CSNK1G3: variants seen among roughly 807,000 people sequenced by gnomAD.
CSNK1G3 encodes the protein casein kinase 1 gamma 3, also known as casein kinase I isoform gamma-3.
Under a neutral mutation model 64.3 loss-of-function variants are expected in CSNK1G3, and 23 were observed. The observed-to-expected ratio is 0.36, with a 90% CI of 0.26 to 0.51. CSNK1G3 has a LOEUF of 0.51. Ranked by LOEUF, CSNK1G3 falls within the 20% of genes least tolerant of loss-of-function variation. CSNK1G3 has a pLI of 0.96. For synonymous variants in CSNK1G3, 158 were observed against 162.2 expected (o/e 0.97, Z 0.20); for missense variants, 357 against 510.5 (o/e 0.70, Z 2.90).
At chr5:123,593,358 C>CTATT (rs1331441144) in intron 10 of CSNK1G3, among the ~76,000 whole-genome samples, 25 of 152,132 alleles carry the variant, frequency 1.6e-4, no homozygotes, top group African/African-American at 5.8e-4. Flanking sequence ...CTCTAGACCA[C>CTATT]TAAGCAGCTT....
At chr5:123,593,226 CACAT>C (rs1412328932) in intron 10 of CSNK1G3, among the ~76,000 whole-genome samples, 2 of 151,318 alleles carry the variant, frequency 1.3e-5, no homozygotes, top group African/African-American at 4.9e-5. Context: ...CACACACACA[CACAT>C]ATATATAATA....
intron 10 of CSNK1G3, among the ~76,000 whole-genome samples, chr5:123,593,772 T>C (rs184401420): frequency 1.8e-4 from 27 of 152,190 alleles, no homozygotes; most frequent in African/African-American, 6.3e-4. Flanking sequence ...GTATGTAATT[T>C]TGCATTGTAC....
intron 4 of CSNK1G3, 123 bp downstream of exon 4, chr5:123,557,687 G>T: frequency 1.6e-6 from 1 of 619,670 alleles, no homozygotes; most frequent in Non-Finnish European, 2.7e-6. Flanking sequence ...TTTACTATAC[G>T]TTTTCTTACT....
At chr5:123,585,550 G>A (rs1791169814) in intron 6 of CSNK1G3, among the ~76,000 whole-genome samples, 1 of 152,112 alleles carries the variant, frequency 6.6e-6, no homozygotes, top group East Asian at 1.9e-4. Context: ...TTCTTGAAGG[G>A]AAAAGGTATT....
chr5:123,607,514 A>G lies in CSNK1G3; in HGVS notation c.1217+2152A>G, dbSNP rs139168367. On this transcript the variant is annotated intron_variant, in intron 12 of 12. Coordinates refer to ENST00000345990, the Ensembl canonical transcript of CSNK1G3. ...AGCCAAACACAAAAGGCCACATGTTATGTGATTCCATTTAAATGAAATGTC... is the reference window on the plus strand; with the variant it reads ...AGCCAAACACAAAAGGCCACATGTTGTGTGATTCCATTTAAATGAAATGTC... Among the ~76,000 whole-genome samples, 587 of 152,312 alleles carry G rather than the reference A, an allele frequency of 3.9e-3. 6 individuals are homozygous for G. Among genetic ancestry groups the G allele is most frequent in the African/African-American group, 0.014 (563 of 41,574 alleles).
chr5:123,532,180 T>G (rs934398963), intron 1 of CSNK1G3, among the ~76,000 whole-genome samples: 59 of 152,068 alleles, frequency 3.9e-4, no homozygotes, highest in African/African-American at 1.4e-3. Context: ...CTATTTCTAA[T>G]CATATTTTTG....
intron 4 of CSNK1G3, among the ~76,000 whole-genome samples, chr5:123,557,957 T>A (rs559862065): frequency 4.6e-5 from 7 of 152,258 alleles, no homozygotes; most frequent in African/African-American, 2.4e-5. Context: ...TGACAAAGAC[T>A]TTGCAAGTAT....
At chr5:123,616,546 C>T (rs925259013) in exon 13 of CSNK1G3, 24 of 152,484 alleles carry the variant, frequency 1.6e-4, no homozygotes, top group African/African-American at 5.3e-4. Context: ...TTTAAGTGCT[C>T]CATTTTAATG....
intron 1 of CSNK1G3, among the ~76,000 whole-genome samples, chr5:123,520,458 C>T (rs1221912075): frequency 6.6e-6 from 1 of 150,604 alleles, no homozygotes; most frequent in Non-Finnish European, 1.5e-5. Context: ...ATTATTTCTA[C>T]CATCAGAAAA....
At chr5:123,602,322 T>C (rs774382639) in intron 10 of CSNK1G3, among the ~76,000 whole-genome samples, 1 of 152,212 alleles carries the variant, frequency 6.6e-6, no homozygotes, top group African/African-American at 2.4e-5. Flanking sequence ...ATTAATACTT[T>C]CCTTGGAGTT....
intron 1 of CSNK1G3, among the ~76,000 whole-genome samples, chr5:123,527,010 C>T (rs937655914): frequency 6.6e-6 from 1 of 151,986 alleles, no homozygotes; most frequent in African/African-American, 2.4e-5. Flanking sequence ...CATTTTTATT[C>T]CCACTGGCAA....
chr5:123,609,908 T>TG (rs1033474241), intron 12 of CSNK1G3, among the ~76,000 whole-genome samples: 12 of 48,226 alleles, frequency 2.5e-4, no homozygotes, highest in Admixed American at 1.4e-3. Context: ...GAAAAGGGCA[T>TG]GGCATATTTA....
intron 1 of CSNK1G3, among the ~76,000 whole-genome samples, chr5:123,520,635 A>T (rs1777937405): frequency 6.6e-6 from 1 of 152,046 alleles, no homozygotes; most frequent in Non-Finnish European, 1.5e-5. Context: ...TTAAAATTGG[A>T]TGTATTAAAA....
Position 123,565,600 on chromosome 5 carries a change from T to A in CSNK1G3, c.290-7793T>A, listed in dbSNP as rs559651497. 2.0e-5 allele frequency among the ~76,000 whole-genome samples: 3 copies of A among 152,318 alleles called. No homozygotes were observed. The South Asian group carries it at 6.2e-4, about 32-fold the overall frequency. ...TTATTTGTGTTAGGCTGTTCTTGTG[T>A]TGCTATAAAGAAATGCTGGAGTCTG... On this transcript the variant is annotated intron_variant, in intron 4 of 12. Coordinates refer to ENST00000345990, the Ensembl canonical transcript of CSNK1G3.
In CSNK1G3 at chr5:123,557,571, T is replaced by A. The variant is rs368370204; in HGVS notation, c.289+7T>A. On this transcript the variant is annotated splice_region_variant and intron_variant, in intron 4 of 12. Transcript: ENST00000345990. The stretch of plus-strand genomic sequence containing the variant: ...AAGCAGTTAGGATCTGGAGGTAAAG[T>A]CTTATATTAATTTTTAAATTTGAAA... The A allele has an allele frequency of 9.7e-6, 15 of 1,545,498 alleles. No homozygotes were observed. In the African/African-American group the frequency reaches 1.8e-4, roughly 19 times the overall value.
chr5:123,588,441 G>T, exon 8 of CSNK1G3: 1 of 1,611,516 alleles, frequency 6.2e-7, no homozygotes, highest in Non-Finnish European at 8.5e-7. Flanking sequence ...ACACATTAAA[G>T]GAGAGGTATC....
chr5:123,555,365 G>A (rs1249080393), intron 3 of CSNK1G3, among the ~76,000 whole-genome samples: 4 of 152,012 alleles, frequency 2.6e-5, no homozygotes, highest in Non-Finnish European at 5.9e-5. Flanking sequence ...TTTCATTTGT[G>A]TCTGTTATAT....
At chr5:123,588,236 A>G (rs192791060) in intron 7 of CSNK1G3, 83 bp downstream of exon 7, 95 of 1,188,622 alleles carry the variant, frequency 8.0e-5, no homozygotes, top group Non-Finnish European at 1.1e-4. Flanking sequence ...CAGTTTTCAT[A>G]TTTTAAAATT....
At chr5:123,597,278 A>G (rs75464200) in intron 10 of CSNK1G3, among the ~76,000 whole-genome samples, 2,269 of 152,252 alleles carry the variant, frequency 0.015, 164 homozygotes, top group East Asian at 0.11. Context: ...AGGAGATGCA[A>G]AGACTTTATA....
Sources: allele counts gnomAD v4.1 joint callset (sites outside exome capture counted in the v4.1 genomes callset), GRCh38; gene constraint gnomAD v4.1.1; transcripts MANE v1.5; gene names NCBI Gene and HGNC (gene_info 2026-07-23, HGNC 2026-07-21).